Variants in NOL11 observed in about 807,000 individuals in gnomAD.
The protein encoded by NOL11 is nucleolar protein 11.
Under a neutral mutation model 93.0 loss-of-function variants are expected in NOL11, and 42 were observed. The observed-to-expected ratio is 0.45, with a 90% CI of 0.35 to 0.58. NOL11 has a LOEUF of 0.58. NOL11 is among the 20% of genes least tolerant of loss of function. The pLI, the probability that NOL11 is intolerant of heterozygous loss-of-function variation, is 0.00. For synonymous variants in NOL11, 296 were observed against 293.7 expected, an observed-to-expected ratio of 1.01 and a Z score of -0.08; for missense variants, 775 against 841.8, an observed-to-expected ratio of 0.92 and a Z score of 0.98.
chr17:67,735,031 C>G (rs9901956), intron 8 of NOL11, among the ~76,000 whole-genome samples: 3,789 of 152,224 alleles, frequency 0.025, 147 homozygotes, highest in African/African-American at 0.086. Context: ...TACCCTCAAG[C>G]TGTTACTTTT....
intron 12 of NOL11, 72 bp downstream of exon 12, chr17:67,737,764 T>A (rs1371332118): frequency 1.9e-6 from 3 of 1,581,778 alleles, no homozygotes; most frequent in Non-Finnish European, 2.6e-6. Flanking sequence ...TCTAATCTTC[T>A]GAAACTCTCA....
intron 7 of NOL11, among the ~76,000 whole-genome samples, chr17:67,729,088 T>A (rs1047865040): frequency 2.2e-5 from 2 of 88,896 alleles, no homozygotes; most frequent in Non-Finnish European, 4.4e-5. Flanking sequence ...TCTAGTTTTT[T>A]TTGTTGTTGT....
In NOL11 at chr17:67,719,849, T is replaced by C. The variant is rs546443857; in HGVS notation, c.256-57T>C. 201 of 1,498,822 alleles carry C rather than the reference T, an allele frequency of 1.3e-4. 2 individuals carry two copies. In the South Asian group the frequency reaches 2.4e-3, roughly 18 times the overall value. The allele number at this position is 1,498,822 out of a possible 1,614,324, so 92.8% of individuals were successfully genotyped here. The stretch of plus-strand genomic sequence containing the variant: ...AAATGTTGATTATTAACTATTTGTA[T>C]TTATTATATGTAAATGGAGAATAGG... On this transcript the variant is annotated intron_variant, in intron 2 of 17. Transcript: ENST00000253247.
At chr17:67,733,156 G>C (rs1390538327) in intron 7 of NOL11, among the ~76,000 whole-genome samples, 2 of 151,708 alleles carry the variant, frequency 1.3e-5, no homozygotes, top group Admixed American at 1.3e-4. Flanking sequence ...CTGAGGTCAG[G>C]AGTTCGAGAC....
chr17:67,741,136 C>G (rs892234248), intron 16 of NOL11, among the ~76,000 whole-genome samples: 10 of 152,176 alleles, frequency 6.6e-5, no homozygotes, highest in African/African-American at 2.4e-4. Context: ...GTGGCACGAT[C>G]TCGGCTCACT....
At chr17:67,723,931 G>A (rs2055061114) in intron 5 of NOL11, 118 bp from the exon 6 acceptor site, 2 of 641,532 alleles carry the variant, frequency 3.1e-6, no homozygotes, top group South Asian at 2.2e-5. Flanking sequence ...GATAGCATAA[G>A]ATGTTTTTAA....
intron 7 of NOL11, among the ~76,000 whole-genome samples, chr17:67,727,837 C>T (rs766791390): frequency 6.9e-6 from 1 of 145,600 alleles, no homozygotes; most frequent in Non-Finnish European, 1.5e-5. Flanking sequence ...CTTTTTGGCG[C>T]ACAAACCCAG....
At chr17:67,725,548 T>C (rs115342483) in intron 6 of NOL11, among the ~76,000 whole-genome samples, 111 of 152,322 alleles carry the variant, frequency 7.3e-4, no homozygotes, top group African/African-American at 2.6e-3. Context: ...GTGAAGTTTT[T>C]CAGTGTGCAA....
Position 67,717,967 on chromosome 17 carries a change from A to G in NOL11, c.20A>G (p.Glu7Gly). 6 of 1,614,202 alleles carry G rather than the reference A, an allele frequency of 3.7e-6. No individual in the cohort carries two copies. The highest frequency in any genetic ancestry group is 5.1e-6 in the Non-Finnish European group (6 of 1,180,020). Residue 7 changes from glutamate (E) to glycine (G), a missense_variant, in exon 1 of 18, where the codon GAA (glutamate) becomes GGA (glycine). Coordinates refer to ENST00000253247, the MANE Select transcript of NOL11 (RefSeq NM_015462.5). Reference sequence around the variant, plus strand: ...CTCAAAATGGCAGCGCTGGAGGAAGAATTCACGTTGTCTTCGGTAGTCCTG... The same window carrying G: ...CTCAAAATGGCAGCGCTGGAGGAAGGATTCACGTTGTCTTCGGTAGTCCTG... MAALEE[E>G]FTLSSVVLSA...
intron 6 of NOL11, among the ~76,000 whole-genome samples, chr17:67,724,612 G>A (rs2055070367): frequency 6.6e-6 from 1 of 152,140 alleles, no homozygotes; most frequent in African/African-American, 2.4e-5. Context: ...GATTACAGGT[G>A]TGAGTCACCT....
At chr17:67,730,850 A>G (rs1449067407) in intron 7 of NOL11, among the ~76,000 whole-genome samples, 3 of 152,170 alleles carry the variant, frequency 2.0e-5, no homozygotes, top group African/African-American at 7.2e-5. Context: ...GAACTGCCGA[A>G]CTCCACAGTG....
chr17:67,743,936 G>C lies in NOL11; in HGVS notation c.*77G>C, dbSNP rs1463283973. On this transcript the variant is annotated 3_prime_UTR_variant, in exon 18 of 18. Coordinates refer to ENST00000253247, the MANE Select transcript of NOL11 (RefSeq NM_015462.5). ...CTTGCTTCATCCAGGCAAGAACGGT[G>C]TTTTGTTTGCGACCATCTCAGTGTC... 2 of 756,044 alleles carry C rather than the reference G, an allele frequency of 2.6e-6. No individual in the cohort carries two copies. Among genetic ancestry groups the C allele is most frequent in the Non-Finnish European group, 2.2e-6 (1 of 459,842 alleles). 46.8% of individuals were successfully genotyped at this position (756,044 alleles called of 1,614,324 possible). A position where few individuals can be genotyped will look rare whatever the true frequency, so the allele number is the denominator to read the frequency against.
At chr17:67,732,614 G>A (rs2055164279) in intron 7 of NOL11, among the ~76,000 whole-genome samples, 1 of 150,912 alleles carries the variant, frequency 6.6e-6, no homozygotes, top group African/African-American at 2.4e-5. Context: ...TTACTCTGTT[G>A]CAGGGCTGGA....
chr17:67,741,550 TTTTATTTA>T (rs563786770), intron 16 of NOL11, among the ~76,000 whole-genome samples: 2 of 151,778 alleles, frequency 1.3e-5, no homozygotes, highest in African/African-American at 2.4e-5. Flanking sequence ...AGTGGTTATT[TTTTATTTA>T]TTTATTTATT....
intron 6 of NOL11, among the ~76,000 whole-genome samples, chr17:67,724,474 C>T (rs62086220): frequency 6.6e-6 from 1 of 151,968 alleles, no homozygotes; most frequent in South Asian, 2.1e-4. Flanking sequence ...GCTGGGATTA[C>T]AGGCGCCCAC....
At chr17:67,738,675 A>AT in intron 14 of NOL11, 1 of 451,056 alleles carries the variant, frequency 2.2e-6, no homozygotes, top group East Asian at 3.7e-5. Flanking sequence ...TCTACATCAG[A>AT]TTTAAAAAAA....
At chr17:67,736,325 A>G (rs1441003485) in intron 9 of NOL11, among the ~76,000 whole-genome samples, 2 of 152,008 alleles carry the variant, frequency 1.3e-5, no homozygotes, top group Non-Finnish European at 2.9e-5. Flanking sequence ...AAACTTGTGA[A>G]CAGTCCAAAT....
intron 4 of NOL11, among the ~76,000 whole-genome samples, chr17:67,722,222 C>A (rs950817796): frequency 1.3e-5 from 2 of 152,170 alleles, no homozygotes; most frequent in African/African-American, 4.8e-5. Flanking sequence ...TATGCCTCAG[C>A]TTCCTCTATA....
chr17:67,744,353 G>A lies in NOL11; in HGVS notation c.*494G>A, dbSNP rs774225466. The A allele has an allele frequency of 1.2e-4, 18 of 152,164 alleles. No individual in the cohort carries two copies. The highest frequency in any genetic ancestry group is 2.1e-4 in the Non-Finnish European group (14 of 68,068). 9.4% of individuals were successfully genotyped at this position (152,164 alleles called of 1,614,324 possible). A position where few individuals can be genotyped will look rare whatever the true frequency, so the allele number is the denominator to read the frequency against. ...ACACAGGCACGTGATTGCCTCCTGC[G>A]GTCTCCCCTGTCCTTTAGGACAAAT... On this transcript the variant is annotated 3_prime_UTR_variant, in exon 18 of 18. Coordinates refer to ENST00000253247, the MANE Select transcript of NOL11 (RefSeq NM_015462.5).
Sources: allele counts gnomAD v4.1 joint callset (sites outside exome capture counted in the v4.1 genomes callset), GRCh38; gene constraint gnomAD v4.1.1; transcripts MANE v1.5; gene names NCBI Gene and HGNC (gene_info 2026-07-23, HGNC 2026-07-21).